Variants in CADM2 observed in about 807,000 individuals in gnomAD.
CADM2 encodes cell adhesion molecule 2.
CADM2 carries 12 observed loss-of-function variants against 49.8 expected under a neutral mutation model. The ratio of observed to expected loss-of-function variants is 0.24; its 90% CI spans 0.15 to 0.39. CADM2 has a LOEUF of 0.39. Among genes scored for constraint, CADM2 ranks in the 10% least tolerant of loss-of-function variants. The probability of loss-of-function intolerance (pLI) is 1.00; values close to 1 mark genes in which losing one functional copy is unlikely to be tolerated. For missense variants in CADM2, 378 were observed against 492.3 expected (o/e 0.77, Z 2.20); for synonymous variants, 214 against 175.4 (o/e 1.22, Z -1.74).
At position 85,666,952 on chromosome 3, in the gene CADM2, T is replaced by C. The variant is rs113139808; in HGVS notation, c.62-59570T>C. On this transcript the variant is annotated intron_variant, in intron 1 of 9. Coordinates refer to ENST00000383699, the MANE Select transcript of CADM2 (RefSeq NM_001167675.2). ...CTAAAATAAAACTCTAAAATTATAT[T>C]TTTCCGTGAAGATTTTACTGCTAAT... is the stretch of plus-strand genomic sequence containing the variant. Among the ~76,000 whole-genome samples, 1,472 of 152,110 alleles carry C rather than the reference T, an allele frequency of 9.7e-3. 22 individuals are homozygous for C. The highest frequency in any genetic ancestry group is 0.034 in the Middle Eastern group (10 of 294).
chr3:85,521,602 G>A (rs969578991), intron 1 of CADM2, among the ~76,000 whole-genome samples: 1 of 152,110 alleles, frequency 6.6e-6, no homozygotes, highest in Non-Finnish European at 1.5e-5. Context: ...ATTAACAAAA[G>A]TAAGCAAAAT....
chr3:85,492,595 A>T (rs922627437), intron 1 of CADM2, among the ~76,000 whole-genome samples: 4 of 152,188 alleles, frequency 2.6e-5, no homozygotes, highest in Non-Finnish European at 5.9e-5. Flanking sequence ...TTAAAAAAAA[A>T]TGAATAAATA....
intron 8 of CADM2, among the ~76,000 whole-genome samples, chr3:86,004,103 G>A (rs1255766145): frequency 6.6e-6 from 1 of 152,090 alleles, no homozygotes; most frequent in Non-Finnish European, 1.5e-5. Context: ...AAGGAAGATA[G>A]TGGTTGCTGC....
At chr3:85,859,222 G>GTTTT (rs2075427775) in intron 3 of CADM2, among the ~76,000 whole-genome samples, 1 of 84,352 alleles carries the variant, frequency 1.2e-5, no homozygotes, top group African/African-American at 4.3e-5. Flanking sequence ...TCTTTTTTTT[G>GTTTT]TCTTTTTTTT....
intron 7 of CADM2, among the ~76,000 whole-genome samples, chr3:85,947,184 C>T (rs1192987943): frequency 1.3e-5 from 2 of 152,004 alleles, no homozygotes; most frequent in Non-Finnish European, 2.9e-5. Context: ...AGCCAAAAGA[C>T]ACATGAAAAA....
chr3:85,291,323 G>C (rs2043789780), intron 1 of CADM2, among the ~76,000 whole-genome samples: 1 of 151,710 alleles, frequency 6.6e-6, no homozygotes, highest in African/African-American at 2.4e-5. Context: ...TGGTGTACCT[G>C]AAAGTGACGG....
chr3:85,987,552 A>C (rs1344082670), intron 8 of CADM2, among the ~76,000 whole-genome samples: 1 of 148,912 alleles, frequency 6.7e-6, no homozygotes, highest in African/African-American at 2.4e-5. Context: ...AAACCATTAA[A>C]AAATTCATTT....
chr3:85,891,115 C>T (rs1303263304), intron 5 of CADM2, among the ~76,000 whole-genome samples: 1 of 152,080 alleles, frequency 6.6e-6, no homozygotes, highest in African/African-American at 2.4e-5. Context: ...ACTCAGAAAT[C>T]CCTTTGGTGC....
intron 1 of CADM2, among the ~76,000 whole-genome samples, chr3:85,648,862 G>T (rs1294472541): frequency 6.6e-6 from 1 of 151,838 alleles, no homozygotes; most frequent in Admixed American, 6.6e-5. Flanking sequence ...AGTCGTTTTG[G>T]TTTTTATATT....
At chr3:84,983,774 A>G (rs2032356250) in intron 1 of CADM2, among the ~76,000 whole-genome samples, 1 of 152,248 alleles carries the variant, frequency 6.6e-6, no homozygotes, top group African/African-American at 2.4e-5. Context: ...TCTGTCAAAC[A>G]TCAGCTTTTG....
intron 2 of CADM2, among the ~76,000 whole-genome samples, chr3:85,769,362 A>G (rs1279865294): frequency 6.8e-5 from 7 of 103,464 alleles, no homozygotes; most frequent in African/African-American, 1.3e-4. Flanking sequence ...CATATATAGT[A>G]TATATATACA....
At chr3:85,567,138 T>G (rs1177646499) in intron 1 of CADM2, among the ~76,000 whole-genome samples, 1 of 152,202 alleles carries the variant, frequency 6.6e-6, no homozygotes, top group East Asian at 1.9e-4. Context: ...AGGCCAGTGT[T>G]GACAATAAAA....
At chr3:85,862,345 A>G (rs2075568546) in intron 3 of CADM2, among the ~76,000 whole-genome samples, 1 of 152,128 alleles carries the variant, frequency 6.6e-6, no homozygotes, top group Non-Finnish European at 1.5e-5. Context: ...GAATCTCTCT[A>G]ACTAGATGAT....
At chr3:85,478,352 T>C (rs1334256587) in intron 1 of CADM2, among the ~76,000 whole-genome samples, 4 of 152,018 alleles carry the variant, frequency 2.6e-5, no homozygotes, top group Non-Finnish European at 4.4e-5. Context: ...TGACCTGATA[T>C]GGAAAAATAA....
chr3:85,537,882 A>G (rs1399593532), intron 1 of CADM2, among the ~76,000 whole-genome samples: 1 of 152,144 alleles, frequency 6.6e-6, no homozygotes, highest in Non-Finnish European at 1.5e-5. Flanking sequence ...CATAAGTAGC[A>G]TTTGTGCTCC....
chr3:85,087,903 G>T (rs1421743013), intron 1 of CADM2, among the ~76,000 whole-genome samples: 1 of 152,062 alleles, frequency 6.6e-6, no homozygotes, highest in African/African-American at 2.4e-5. Flanking sequence ...ACATATTTCT[G>T]CTACAGCACT....
intron 1 of CADM2, among the ~76,000 whole-genome samples, chr3:85,140,139 A>G (rs2039533832): frequency 6.6e-6 from 1 of 152,188 alleles, no homozygotes; most frequent in Admixed American, 6.5e-5. Flanking sequence ...CTCAGTCATC[A>G]GAAAGCAACC....
intron 1 of CADM2, among the ~76,000 whole-genome samples, chr3:85,419,812 C>A (rs1281047191): frequency 6.6e-6 from 1 of 152,130 alleles, no homozygotes; most frequent in Admixed American, 6.5e-5. Flanking sequence ...TTGGTATCTA[C>A]TAAATCAATG....
chr3:85,265,587 G>A (rs2043105214), intron 1 of CADM2, among the ~76,000 whole-genome samples: 1 of 151,894 alleles, frequency 6.6e-6, no homozygotes, highest in Non-Finnish European at 1.5e-5. Flanking sequence ...CATGCATTAG[G>A]GCAGAGCCCT....
Sources: gnomAD v4.1 joint callset for allele counts (sites outside exome capture counted in the v4.1 genomes callset) on GRCh38, gnomAD v4.1.1 for gene constraint, MANE v1.5 for transcripts, NCBI Gene and HGNC (gene_info 2026-07-23, HGNC 2026-07-21) for gene names.